MACF1: variants seen among roughly 807,000 people sequenced by gnomAD.
MACF1 encodes the protein microtubule actin crosslinking factor 1.
Under a neutral mutation model 854.8 loss-of-function variants are expected in MACF1, and 193 were observed. That is an observed-to-expected ratio of 0.23 (90% CI 0.20 to 0.25). MACF1 has a LOEUF of 0.25. Ranked by LOEUF, MACF1 falls within the 10% of genes least tolerant of loss-of-function variation. The probability of loss-of-function intolerance (pLI) is 1.00; values close to 1 mark genes in which losing one functional copy is unlikely to be tolerated. For missense variants in MACF1, 7,722 were observed against 8,929.1 expected, an observed-to-expected ratio of 0.86 and a Z score of 5.45; for synonymous variants, 3,185 against 3,226.7, an observed-to-expected ratio of 0.99 and a Z score of 0.44.
intron 15 of MACF1, among the ~76,000 whole-genome samples, chr1:39,290,010 C>T (rs2148396019): frequency 6.6e-6 from 1 of 152,012 alleles, no homozygotes; most frequent in African/African-American, 2.4e-5. Flanking sequence ...TGTCCCTTTC[C>T]TTTGTTGATT....
chr1:39,098,017 T>G (rs1423473017), intron 2 of MACF1, among the ~76,000 whole-genome samples: 1 of 152,046 alleles, frequency 6.6e-6, no homozygotes, highest in Non-Finnish European at 1.5e-5. Context: ...TTGGGGAACC[T>G]CCCAATTCCC....
intron 58 of MACF1, among the ~76,000 whole-genome samples, chr1:39,403,895 G>A (rs754197636): frequency 3.9e-5 from 6 of 152,150 alleles, no homozygotes; most frequent in Non-Finnish European, 7.4e-5. Flanking sequence ...TTGGGAGGCC[G>A]AGGCGGGCAG....
intron 1 of MACF1, among the ~76,000 whole-genome samples, chr1:39,225,027 G>A (rs949620736): frequency 1.3e-5 from 2 of 151,942 alleles, no homozygotes; most frequent in Admixed American, 1.3e-4. Context: ...TCTACAAAAA[G>A]TTTAAAAATA....
chr1:39,162,542 C>T (rs1249236400), intron 2 of MACF1, among the ~76,000 whole-genome samples: 1 of 152,086 alleles, frequency 6.6e-6, no homozygotes, highest in Non-Finnish European at 1.5e-5. Context: ...ATTCTCTCTC[C>T]CTCATCTATG....
intron 2 of MACF1, among the ~76,000 whole-genome samples, chr1:39,091,688 T>C (rs1641809862): frequency 1.3e-5 from 2 of 152,086 alleles, no homozygotes; most frequent in African/African-American, 2.4e-5. Context: ...TAGAGACCCA[T>C]GGTGGGTTTC....
Position 39,449,394 on chromosome 1 carries a change from T to C in MACF1, c.20258+631T>C, listed in dbSNP as rs191915927. 2.6e-5 allele frequency among the ~76,000 whole-genome samples: 4 copies of C among 152,256 alleles called. No homozygotes were observed. In the East Asian group the frequency reaches 7.7e-4, roughly 29 times the overall value. ...TATTACAATATTGCTACCCTATTTG[T>C]ACTTTTTTTTGTTTGTTTGTTTGAG... On this transcript the variant is annotated intron_variant, in intron 84 of 100. Coordinates refer to ENST00000564288, the MANE Select transcript of MACF1 (RefSeq NM_001394062.1).
intron 70 of MACF1, chr1:39,436,540 A>G (rs373324760): frequency 3.2e-5 from 49 of 1,550,596 alleles, no homozygotes; most frequent in Non-Finnish European, 4.1e-5. Context: ...AATGCTGAAA[A>G]TTGAGGTCAT....
intron 1 of MACF1, among the ~76,000 whole-genome samples, chr1:39,217,882 CAAAAA>C (rs751580827): frequency 1.0e-5 from 1 of 100,092 alleles, no homozygotes. Flanking sequence ...GACCCTGTCT[CAAAAA>C]AAAAAAAAAA....
Position 39,370,172 on chromosome 1 carries a change from A to G in MACF1, c.13081A>G (p.Ile4361Val). 1.2e-6 allele frequency: 2 copies of G among 1,612,436 alleles called. No homozygotes were observed. The highest frequency in any genetic ancestry group is 1.7e-6 in the Non-Finnish European group (2 of 1,179,324). ...GAGTGCTAAAGAGTTAGAAAAGCAG[A>G]TTGAACACCTGAAGGTAGGTGAACA... ...SMSAKELEKQ[I>V]EHLKSLLDDW... The change falls in exon 51 of 101, where the codon ATT becomes GTT. Residue 4361 changes from isoleucine to valine, a missense_variant. Physicochemically the swap from Ile to Val is conservative, Grantham distance 29. Transcript: ENST00000564288.
rs374486121 is a variant in MACF1 at position 39,444,736 on chromosome 1, A to G, written c.19506A>G (p.Leu6502=). 6.2e-7 allele frequency: 1 copy of G among 1,614,074 alleles called. No individual in the cohort carries two copies. Among genetic ancestry groups the G allele is most frequent in the African/African-American group, 1.3e-5 (1 of 74,934 alleles). The change falls in exon 80 of 101, where the codon CTA becomes CTG. Residue 6502 remains leucine (L), a synonymous_variant. Coordinates refer to ENST00000564288, the MANE Select transcript of MACF1 (RefSeq NM_001394062.1). The part of the protein sequence containing the change: ...QLLDKGRLML[L]SRDDSGSGSK... Reference sequence around the variant, plus strand: ...TTGACAAGGGCAGACTCATGCTTCTAAGCCGTGACGACTCTGGGTCTGGCT... The same window carrying G: ...TTGACAAGGGCAGACTCATGCTTCTGAGCCGTGACGACTCTGGGTCTGGCT...
In MACF1 at chr1:39,442,817, TAAG is replaced by T; in HGVS notation, c.19209_19211del (p.Arg6404del). The T allele has an allele frequency of 6.2e-7, 1 of 1,614,046 alleles. No homozygotes were observed. Among genetic ancestry groups the T allele is most frequent in the Non-Finnish European group, 8.5e-7 (1 of 1,179,976 alleles). Reference sequence around the variant, plus strand: ...AGTGCTGGAGATGATGCCAGCAGCTTAAGGAGCCGTTTGGAAGCCATGAACCAA... The same window carrying T: ...AGTGCTGGAGATGATGCCAGCAGCTTGAGCCGTTTGGAAGCCATGAACCAA... On this transcript the variant is annotated inframe_deletion, in exon 78 of 101. Coordinates refer to ENST00000564288, the MANE Select transcript of MACF1 (RefSeq NM_001394062.1).
At position 39,105,878 on chromosome 1, in the gene MACF1, C is replaced by T. The variant is rs1001050026; in HGVS notation, c.220+21440C>T. ...CTGCTTCTCGGGGCCAGTTTATTTA[C>T]AGAGTTGAGATAAGCCTTCGGAAAC... On this transcript the variant is annotated intron_variant, in intron 2 of 93. Coordinates refer to the MACF1 transcript ENST00000361689. This position sits in a 1 kb window ranked among gnomAD's most constrained non-coding sequence, Gnocchi z 5.9. Among the ~76,000 whole-genome samples the T allele has an allele frequency of 2.0e-5, 3 of 152,100 alleles. No individual in the cohort carries two copies. The highest frequency in any genetic ancestry group is 4.4e-5 in the Non-Finnish European group (3 of 68,002).
At chr1:39,440,422 AC>A (rs1455353650) in intron 72 of MACF1, among the ~76,000 whole-genome samples, 3 of 151,740 alleles carry the variant, frequency 2.0e-5, no homozygotes, top group African/African-American at 7.3e-5. Flanking sequence ...TCTCTTTTTT[AC>A]CAACAACATT....
chr1:39,260,944 T>C (rs565083744), intron 6 of MACF1, among the ~76,000 whole-genome samples: 6 of 152,192 alleles, frequency 3.9e-5, no homozygotes, highest in Non-Finnish European at 7.3e-5. Context: ...GTAATATATA[T>C]GAATCCAAGT....
Position 39,387,536 on chromosome 1 carries a change from C to T in MACF1, c.14694C>T (p.Leu4898=), listed in dbSNP as rs542805019. The T allele has an allele frequency of 1.2e-6, 2 of 1,614,100 alleles. No individual in the cohort carries two copies. The highest frequency in any genetic ancestry group is 1.3e-5 in the African/African-American group (1 of 75,010). The change falls in exon 58 of 101, where the codon CTC becomes CTT. Residue 4898 remains leucine, a synonymous_variant. Transcript: ENST00000564288. ...SKKTADRQSR[L]KDCMQKAQKY... ...AAACTGCAGACAGACAATCCAGGCT[C>T]AAGGATTGTATGCAGAAAGCTCAGA...
At chr1:39,266,654 G>C (rs930271774) in intron 6 of MACF1, among the ~76,000 whole-genome samples, 1 of 122,628 alleles carries the variant, frequency 8.2e-6, no homozygotes, top group African/African-American at 3.1e-5. Context: ...GGCTATGCTA[G>C]TGTAAGTCTT....
intron 41 of MACF1, among the ~76,000 whole-genome samples, chr1:39,348,343 C>CT: frequency 6.6e-6 from 1 of 152,330 alleles, no homozygotes; most frequent in East Asian, 1.9e-4. Flanking sequence ...TCAGGGTAGA[C>CT]TCCTGAGCTG....
At chr1:39,251,978 A>C in intron 4 of MACF1, 37 bp downstream of exon 4, 2 of 1,372,202 alleles carry the variant, frequency 1.5e-6, no homozygotes, top group Non-Finnish European at 1.9e-6. Context: ...CCCAGCTGGC[A>C]CTGCTGGCAC....
rs1446683567 is a variant in MACF1 at position 39,332,823 on chromosome 1, C to A, written c.6235C>A (p.Gln2079Lys). ...TEDSSVENPE[Q>K]DLFVEQKERN... is the part of the protein sequence containing the mutation. Reference sequence around the variant, plus strand: ...AGATTCTTCTGTAGAGAACCCTGAACAGGATCTGTTTGTAGAACAAAAAGA... The same window carrying A: ...AGATTCTTCTGTAGAGAACCCTGAAAAGGATCTGTTTGTAGAACAAAAAGA... Residue 2079 changes from glutamine (Q) to lysine (K), a missense_variant, in exon 37 of 101, where the codon CAG becomes AAG. By Grantham distance (53) the Gln-to-Lys change is moderately conservative. This residue lies in a region of MACF1 where 1,531 missense variants were observed against 1,601.6 expected (regional missense o/e 0.96). Transcript: ENST00000564288. The A allele has an allele frequency of 6.2e-7, 1 of 1,614,074 alleles. No individual in the cohort carries two copies. Among genetic ancestry groups the A allele is most frequent in the Admixed American group, 1.7e-5 (1 of 60,016 alleles).
Sources: gnomAD v4.1 joint callset for allele counts (sites outside exome capture counted in the v4.1 genomes callset) on GRCh38, gnomAD v4.1.1 for gene constraint, gnomAD v4.1.1 regional missense constraint, Gnocchi (gnomAD v3.1) non-coding constraint, MANE v1.5 for transcripts, NCBI Gene and HGNC (gene_info 2026-07-23, HGNC 2026-07-21) for gene names.